DNAI2: variants seen among roughly 807,000 people sequenced by gnomAD.
The protein encoded by DNAI2 is dynein, axonemal, intermediate polypeptide 2.
A neutral mutation model predicts 74.7 loss-of-function variants in DNAI2; 63 were observed. That is an observed-to-expected ratio of 0.84 (90% CI 0.69 to 1.04). The LOEUF is 1.04. DNAI2 is among the 50% of genes least tolerant of loss of function. The probability of loss-of-function intolerance (pLI) is 0.00; values close to 1 mark genes in which losing one functional copy is unlikely to be tolerated. For missense variants in DNAI2, 688 were observed against 803.2 expected (o/e 0.86, Z 1.73); for synonymous variants, 289 against 314.9 (o/e 0.92, Z 0.87).
rs539152539 is a variant in DNAI2 at position 74,286,250 on chromosome 17, C to T, written c.346-727C>T. On this transcript the variant is annotated intron_variant, in intron 3 of 13. Coordinates refer to ENST00000311014, the MANE Select transcript of DNAI2 (RefSeq NM_023036.6). ...GACGGAAGCTGCAGTGAGTCCAGATCGCACCCCTGCACTCTAACCTGGGCA... is the reference window on the plus strand; with the variant it reads ...GACGGAAGCTGCAGTGAGTCCAGATTGCACCCCTGCACTCTAACCTGGGCA... Among the ~76,000 whole-genome samples the T allele has an allele frequency of 2.9e-3, 442 of 150,222 alleles. 6 individuals carry two copies. Among genetic ancestry groups the T allele is most frequent in the Admixed American group, 0.025 (377 of 15,020 alleles).
At chr17:74,274,998 C>T (rs1409459547) in intron 1 of DNAI2, among the ~76,000 whole-genome samples, 2 of 152,154 alleles carry the variant, frequency 1.3e-5, no homozygotes, top group African/African-American at 4.8e-5. Flanking sequence ...GTTTTCCTCT[C>T]GAATCCTTGG....
intron 1 of DNAI2, among the ~76,000 whole-genome samples, chr17:74,275,149 TC>T (rs924732149): frequency 1.3e-5 from 2 of 152,118 alleles, no homozygotes; most frequent in African/African-American, 4.8e-5. Context: ...TATGTGCCAG[TC>T]CCTGGGGACG....
chr17:74,296,554 C>T (rs1201376426), intron 6 of DNAI2, among the ~76,000 whole-genome samples: 1 of 152,150 alleles, frequency 6.6e-6, no homozygotes, highest in Non-Finnish European at 1.5e-5. Context: ...AGGTCTATTC[C>T]TTTCCCCACC....
chr17:74,305,190 C>A, intron 8 of DNAI2, 29 bp from the exon 9 acceptor site: 2 of 1,610,150 alleles, frequency 1.2e-6, no homozygotes, highest in South Asian at 1.1e-5. Context: ...TTCGTGGAGT[C>A]TTCCCCTCCT....
At chr17:74,287,638 C>T (rs900058851) in intron 4 of DNAI2, among the ~76,000 whole-genome samples, 5 of 152,192 alleles carry the variant, frequency 3.3e-5, no homozygotes, top group Non-Finnish European at 5.9e-5. Context: ...ACCCACACGA[C>T]GGAATGCCAT....
At position 74,300,004 on chromosome 17, in the gene DNAI2, A is replaced by G; in HGVS notation, c.864+147A>G. 2 of 1,268,602 alleles carry G rather than the reference A, an allele frequency of 1.6e-6. No individual in the cohort carries two copies. Among genetic ancestry groups the G allele is most frequent in the South Asian group, 2.8e-5 (2 of 72,320 alleles). 78.6% of individuals were successfully genotyped at this position (1,268,602 alleles called of 1,614,324 possible). A position where few individuals can be genotyped will look rare whatever the true frequency, so the allele number is the denominator to read the frequency against. The stretch of plus-strand genomic sequence containing the variant: ...ACTCTTGTTGCCCAGGCTGGAGTGC[A>G]ATGGCACGATCTTGGTTCACTGCAA... On this transcript the variant is annotated intron_variant, in intron 7 of 13. Coordinates refer to ENST00000311014, the MANE Select transcript of DNAI2 (RefSeq NM_023036.6). This position sits in a 1 kb window ranked among gnomAD's most constrained non-coding sequence, Gnocchi z 4.5.
chr17:74,274,676 T>C (rs1443413100), intron 1 of DNAI2, among the ~76,000 whole-genome samples: 2 of 151,678 alleles, frequency 1.3e-5, no homozygotes, highest in Non-Finnish European at 2.9e-5. Flanking sequence ...GCTGAATGGA[T>C]GGAAAAAAAA....
chr17:74,314,145 C>T lies in DNAI2; in HGVS notation c.1747C>T (p.Gln583Ter). ...VPQQPSPEED[Q>*]VVEEGEEAAG... ...GCAGCAACCAAGTCCAGAAGAAGACCAGGTGGTGGAGGAGGGAGAGGAAGC... is the reference window on the plus strand; with the variant it reads ...GCAGCAACCAAGTCCAGAAGAAGACTAGGTGGTGGAGGAGGGAGAGGAAGC... The change falls in exon 13 of 14, where the codon CAG (glutamine) becomes TAG (stop). Residue 583 changes from glutamine to a stop codon, truncating the protein, a stop_gained. Coordinates refer to ENST00000311014, the MANE Select transcript of DNAI2 (RefSeq NM_023036.6). LOFTEE classifies it high-confidence loss of function. 6.2e-7 allele frequency: 1 copy of T among 1,614,106 alleles called. No homozygotes were observed. Among genetic ancestry groups the T allele is most frequent in the Non-Finnish European group, 8.5e-7 (1 of 1,179,964 alleles).
At position 74,305,250 on chromosome 17, in the gene DNAI2, G is replaced by T; in HGVS notation, c.1019G>T (p.Gly340Val). 1 of 1,614,196 alleles carries T rather than the reference G, an allele frequency of 6.2e-7. No homozygotes were observed. Reference protein sequence around the residue: ...PTKFMVGTEQGIVISCNRKAK... With the variant: ...PTKFMVGTEQVIVISCNRKAK... Reference sequence around the variant, plus strand: ...AAGTTCATGGTGGGGACCGAGCAGGGCATCGTCATCTCCTGCAACCGCAAG... The same window carrying T: ...AAGTTCATGGTGGGGACCGAGCAGGTCATCGTCATCTCCTGCAACCGCAAG... Residue 340 changes from glycine to valine, a missense_variant, in exon 9 of 14, where the codon GGC (glycine) becomes GTC (valine). Transcript: ENST00000311014.
chr17:74,290,681 A>T (rs1375157554), intron 5 of DNAI2, among the ~76,000 whole-genome samples: 1 of 148,316 alleles, frequency 6.7e-6, no homozygotes, highest in African/African-American at 2.6e-5. Context: ...GGTTGGAAGA[A>T]ACCGGCAGAG....
intron 13 of DNAI2, 81 bp from the exon 14 acceptor site, chr17:74,314,508 C>A: frequency 2.4e-6 from 1 of 413,026 alleles, no homozygotes; most frequent in Non-Finnish European, 4.6e-6. Flanking sequence ...CCGAGGCCAC[C>A]TTAGTCCTAG....
chr17:74,290,952 G>C, intron 5 of DNAI2, 68 bp from the exon 6 acceptor site: 1 of 1,395,710 alleles, frequency 7.2e-7, no homozygotes, highest in South Asian at 1.2e-5. Flanking sequence ...CCGCAGAAGG[G>C]GTGAAACTGG....
chr17:74,314,208 T>A lies in DNAI2; in HGVS notation c.1810T>A (p.Leu604Ile). The A allele has an allele frequency of 6.2e-7, 1 of 1,614,148 alleles. No individual in the cohort carries two copies. Among genetic ancestry groups the A allele is most frequent in the Non-Finnish European group, 8.5e-7 (1 of 1,179,964 alleles). The change falls in exon 13 of 14, where the codon TTA (leucine) becomes ATA (isoleucine). Residue 604 changes from leucine (L) to isoleucine (I), a missense_variant. Leu to Ile is a conservative substitution (Grantham distance 5). Transcript: ENST00000311014. ...EEGDEEVEED[L>I]A is the part of the protein sequence containing the mutation. ...AGGGGATGAAGAAGTGGAAGAAGAC[T>A]TAGCCTAGAAGTCAGCCTTCGACTG...
rs1048451954 is a variant in DNAI2, at chr17:74,274,282, C to G, written c.-75C>G. The G allele has an allele frequency of 1.5e-5, 2 of 135,878 alleles. No homozygotes were observed. The highest frequency in any genetic ancestry group is 1.6e-5 in the Non-Finnish European group (1 of 62,244). 8.4% of individuals were successfully genotyped at this position (135,878 alleles called of 1,614,324 possible). A position where few individuals can be genotyped will look rare whatever the true frequency, so the allele number is the denominator to read the frequency against. ...GTAAACGCCGCCGTTTGAGGAGCACCGGAGCCGCGACCGTGGATTGAACGC... is the reference window on the plus strand; with the variant it reads ...GTAAACGCCGCCGTTTGAGGAGCACGGGAGCCGCGACCGTGGATTGAACGC... On this transcript the variant is annotated 5_prime_UTR_variant, in exon 1 of 14. Transcript: ENST00000311014.
intron 8 of DNAI2, among the ~76,000 whole-genome samples, chr17:74,302,896 CA>C (rs1392141833): frequency 1.3e-5 from 2 of 152,232 alleles, no homozygotes; most frequent in Non-Finnish European, 2.9e-5. Flanking sequence ...AAGGAGGAGA[CA>C]ATTCCACTGA....
In DNAI2 at chr17:74,289,715, G is replaced by T; in HGVS notation, c.589G>T (p.Asp197Tyr). Reference sequence around the variant, plus strand: ...GCGGGCACCTGTGGGCATGAGCAGCGATTCATACATCTGGGACCTGGGTGA... The same window carrying T: ...GCGGGCACCTGTGGGCATGAGCAGCTATTCATACATCTGGGACCTGGGTGA... ...FQRAPVGMSS[D>Y]SYIWDLENPN... Residue 197 changes from aspartate (D) to tyrosine (Y), a missense_variant, in exon 5 of 14, where the codon GAT becomes TAT. Asp to Tyr is a radical substitution (Grantham distance 160). Coordinates refer to ENST00000311014, the MANE Select transcript of DNAI2 (RefSeq NM_023036.6). 6.2e-7 allele frequency: 1 copy of T among 1,613,994 alleles called. No individual in the cohort carries two copies. The highest frequency in any genetic ancestry group is 8.5e-7 in the Non-Finnish European group (1 of 1,180,000).
At chr17:74,281,604 G>GGGTAAT (rs1362127196) in intron 1 of DNAI2, 1 of 614,506 alleles carries the variant, frequency 1.6e-6, no homozygotes, top group East Asian at 2.7e-5. Context: ...TAACTAAACA[G>GGGTAAT]GGTAATGCTT....
intron 5 of DNAI2, 133 bp downstream of exon 5, chr17:74,289,869 C>T: frequency 1.9e-6 from 2 of 1,048,060 alleles, no homozygotes; most frequent in East Asian, 2.5e-5. Context: ...GGCCCGCAGT[C>T]GAGGAGGAAC....
chr17:74,287,079 A>G lies in DNAI2; in HGVS notation c.448A>G (p.Lys150Glu). The part of the protein sequence containing the change: ...MEVMEEDPSA[K>E]TINVFRDPQE... The stretch of plus-strand genomic sequence containing the variant: ...AGTGATGGAGGAGGACCCTTCAGCT[A>G]AAACCATCAATGTGTTCAGGTAGCG... Residue 150 changes from lysine (K) to glutamate (E), a missense_variant, in exon 4 of 14, where the codon AAA becomes GAA. By Grantham distance (56) the Lys-to-Glu change is moderately conservative. Coordinates refer to ENST00000311014, the MANE Select transcript of DNAI2 (RefSeq NM_023036.6). 7 of 1,613,892 alleles carry G rather than the reference A, an allele frequency of 4.3e-6. No homozygotes were observed. Among genetic ancestry groups the G allele is most frequent in the Non-Finnish European group, 5.9e-6 (7 of 1,179,826 alleles).
Sources: allele counts gnomAD v4.1 joint callset (sites outside exome capture counted in the v4.1 genomes callset), GRCh38; gene constraint gnomAD v4.1.1; non-coding constraint Gnocchi (gnomAD v3.1); transcripts MANE v1.5; gene names NCBI Gene and HGNC (gene_info 2026-07-23, HGNC 2026-07-21).